Variants in ROBO2 observed in about 807,000 individuals in gnomAD.
ROBO2 encodes the protein roundabout homolog 2.
A neutral mutation model predicts 160.8 loss-of-function variants in ROBO2; 53 were observed. The observed-to-expected ratio is 0.33, with a 90% confidence interval of 0.26 to 0.41. The LOEUF (loss-of-function observed/expected upper bound fraction) is 0.41. Ranked by LOEUF, ROBO2 falls within the 10% of genes least tolerant of loss-of-function variation. The probability of loss-of-function intolerance (pLI) is 1.00; values close to 1 mark genes in which losing one functional copy is unlikely to be tolerated. For missense variants in ROBO2, 1,577 were observed against 1,722.4 expected (o/e 0.92, Z 1.49); for synonymous variants, 664 against 611.7 (o/e 1.09, Z -1.26).
chr3:75,930,075 C>T (rs896873786), intron 1 of ROBO2, among the ~76,000 whole-genome samples: 4 of 152,202 alleles, frequency 2.6e-5, no homozygotes, highest in African/African-American at 4.8e-5. Flanking sequence ...AGTGGCTCAG[C>T]ATTCACATGA....
chr3:76,943,822 A>AAT (rs879914589), intron 2 of ROBO2, among the ~76,000 whole-genome samples: 1 of 152,180 alleles, frequency 6.6e-6, no homozygotes. Context: ...TTGTTTGGTG[A>AAT]TAGATATACT....
chr3:76,087,072 C>T (rs1037335760), intron 2 of ROBO2, among the ~76,000 whole-genome samples: 2 of 151,554 alleles, frequency 1.3e-5, no homozygotes, highest in Non-Finnish European at 2.9e-5. Flanking sequence ...AAAGGAAATA[C>T]AAGAAGAAGA....
chr3:77,400,797 G>A (rs375536872), intron 2 of ROBO2, among the ~76,000 whole-genome samples: 13 of 151,772 alleles, frequency 8.6e-5, no homozygotes, highest in African/African-American at 3.1e-4. Context: ...CTTCAGAGAC[G>A]AGGAAAACTG....
At chr3:77,006,142 G>T (rs1202094256) in intron 2 of ROBO2, among the ~76,000 whole-genome samples, 1 of 151,932 alleles carries the variant, frequency 6.6e-6, no homozygotes, top group Admixed American at 6.6e-5. Context: ...AGTAGTACAA[G>T]TAGTCTTTCC....
chr3:76,733,112 T>C (rs1227539551), intron 2 of ROBO2, among the ~76,000 whole-genome samples: 3 of 152,130 alleles, frequency 2.0e-5, no homozygotes, highest in Non-Finnish European at 4.4e-5. Flanking sequence ...AGATATTCAC[T>C]GGCTTGGGGG....
intron 2 of ROBO2, among the ~76,000 whole-genome samples, chr3:76,493,435 T>G (rs1560040183): frequency 7.5e-6 from 1 of 133,588 alleles, no homozygotes; most frequent in African/African-American, 3.2e-5. Context: ...GTGACTTTCT[T>G]GATGAGTCTC....
intron 2 of ROBO2, among the ~76,000 whole-genome samples, chr3:77,342,270 A>G (rs1428546281): frequency 6.6e-6 from 1 of 152,082 alleles, no homozygotes; most frequent in Non-Finnish European, 1.5e-5. Context: ...CATGTTTTCC[A>G]TTGTCAGTGT....
chr3:76,695,399 T>A (rs879658705), intron 2 of ROBO2, among the ~76,000 whole-genome samples: 4 of 152,186 alleles, frequency 2.6e-5, no homozygotes, highest in Non-Finnish European at 5.9e-5. Flanking sequence ...TATTACTACC[T>A]TTGAAATTCT....
chr3:76,647,411 G>C (rs1298624161), intron 2 of ROBO2, among the ~76,000 whole-genome samples: 3 of 152,160 alleles, frequency 2.0e-5, no homozygotes, highest in African/African-American at 7.2e-5. Flanking sequence ...AAGCAGAAAC[G>C]GGGCGAGCCG....
intron 23 of ROBO2, 183 bp from the exon 25 acceptor site, chr3:77,634,687 A>G: frequency 1.6e-6 from 1 of 642,066 alleles, no homozygotes; most frequent in Non-Finnish European, 2.7e-6. Context: ...TAAAAATTGA[A>G]CAAAATATGT....
intron 23 of ROBO2, 30 bp from the exon 25 acceptor site, chr3:77,634,840 T>C: frequency 6.2e-7 from 1 of 1,608,586 alleles, no homozygotes; most frequent in Middle Eastern, 1.7e-4. Flanking sequence ...TGTCATTCTC[T>C]AGAACCCATT....
intron 2 of ROBO2, among the ~76,000 whole-genome samples, chr3:76,896,477 T>C (rs2074785584): frequency 6.6e-6 from 1 of 152,112 alleles, no homozygotes; most frequent in Admixed American, 6.6e-5. Context: ...GCAAGACAAA[T>C]AATAATAAAT....
intron 2 of ROBO2, among the ~76,000 whole-genome samples, chr3:77,141,321 C>T (rs1016315036): frequency 2.0e-5 from 3 of 149,280 alleles, no homozygotes; most frequent in Non-Finnish European, 4.4e-5. Context: ...CAGATGTACT[C>T]TTTTATAAAC....
intron 6 of ROBO2, among the ~76,000 whole-genome samples, chr3:77,532,021 T>C (rs371911255): frequency 1.3e-5 from 2 of 152,286 alleles, no homozygotes; most frequent in African/African-American, 4.8e-5. Context: ...CATTCTGTTT[T>C]ATCTTCTATA....
intron 2 of ROBO2, among the ~76,000 whole-genome samples, chr3:76,413,052 A>G (rs1011766849): frequency 6.6e-6 from 1 of 152,196 alleles, no homozygotes; most frequent in African/African-American, 2.4e-5. Flanking sequence ...CACCATGTGG[A>G]AGGTGCCAAG....
At chr3:76,976,657 T>C (rs1024022025) in intron 2 of ROBO2, among the ~76,000 whole-genome samples, 3 of 152,204 alleles carry the variant, frequency 2.0e-5, no homozygotes, top group Non-Finnish European at 4.4e-5. Context: ...TTGATTTCCA[T>C]TGAGTCACAT....
chr3:76,638,068 GT>G (rs768011275), intron 2 of ROBO2, among the ~76,000 whole-genome samples: 2 of 152,130 alleles, frequency 1.3e-5, no homozygotes. Context: ...TTTTTAAAGT[GT>G]TTGGAAGCAT....
intron 2 of ROBO2, among the ~76,000 whole-genome samples, chr3:76,586,861 C>T (rs2086071712): frequency 6.6e-6 from 1 of 152,316 alleles, no homozygotes; most frequent in Admixed American, 6.5e-5. Context: ...GTGGCTTTGC[C>T]ACACTGATAG....
chr3:77,597,317 A>AAATAAATC (rs143871940), intron 19 of ROBO2, among the ~76,000 whole-genome samples: 27 of 151,396 alleles, frequency 1.8e-4, no homozygotes, highest in African/African-American at 3.2e-4. Flanking sequence ...ATAAATAAAT[A>AAATAAATC]AATAAATAAA....
Sources: gnomAD v4.1 joint callset for allele counts (sites outside exome capture counted in the v4.1 genomes callset) on GRCh38, gnomAD v4.1.1 for gene constraint, MANE v1.5 for transcripts, NCBI Gene and HGNC (gene_info 2026-07-23, HGNC 2026-07-21) for gene names.